Variants in SLC2A13 observed in about 807,000 individuals in gnomAD.
SLC2A13 encodes solute carrier family 2 member 13.
In SLC2A13, 32 loss-of-function variants were observed where a neutral mutation model predicts 64.4. That is an observed-to-expected ratio of 0.50 (90% CI 0.37 to 0.67). SLC2A13 has a LOEUF of 0.67. SLC2A13 is among the 30% of genes least tolerant of loss of function. The pLI, the probability that SLC2A13 is intolerant of heterozygous loss-of-function variation, is 0.00. For synonymous variants in SLC2A13, 338 were observed against 327.1 expected (o/e 1.03, Z -0.36); for missense variants, 743 against 829.2 (o/e 0.90, Z 1.28).
intron 7 of SLC2A13, among the ~76,000 whole-genome samples, chr12:39,805,167 TGGACG>T (rs1454915029): frequency 5.3e-5 from 8 of 149,914 alleles, no homozygotes; most frequent in African/African-American, 1.7e-4. Context: ...AGTTGTGTGT[TGGACG>T]TGGCCAGAAT....
At chr12:40,011,641 C>A (rs1342916954) in intron 3 of SLC2A13, among the ~76,000 whole-genome samples, 1 of 152,144 alleles carries the variant, frequency 6.6e-6, no homozygotes, top group East Asian at 1.9e-4. Flanking sequence ...CAACCCTTTC[C>A]TTCCTCCCTC....
Position 40,105,593 on chromosome 12 carries a change from G to A in SLC2A13, c.216C>T (p.Phe72=), listed in dbSNP as rs868571276. ...GDLERAARRQ[F]QQDETPAFVY... ...CGAAGGCGGGGGTCTCGTCCTGCTG[G>A]AACTGCCGCCGCGCCGCGCGCTCCA... The change falls in exon 1 of 10, where the codon TTC becomes TTT. Residue 72 remains phenylalanine, a synonymous_variant. Transcript: ENST00000280871. The surrounding 1 kb of genome is among the most constrained non-coding windows in gnomAD (Gnocchi z 4.2). The A allele has an allele frequency of 3.3e-6, 5 of 1,536,790 alleles. No individual in the cohort carries two copies. The highest frequency in any genetic ancestry group is 4.4e-6 in the Non-Finnish European group (5 of 1,144,748).
intron 1 of SLC2A13, among the ~76,000 whole-genome samples, chr12:40,088,619 T>C (rs1046447006): frequency 6.6e-6 from 1 of 152,214 alleles, no homozygotes; most frequent in African/African-American, 2.4e-5. Context: ...AAGCACAGTA[T>C]GTATATTGCA....
At chr12:40,053,005 G>A (rs1273607002) in intron 1 of SLC2A13, among the ~76,000 whole-genome samples, 1 of 151,976 alleles carries the variant, frequency 6.6e-6, no homozygotes, top group African/African-American at 2.4e-5. Context: ...TATCAGGCTG[G>A]GCGCAGTTTG....
chr12:39,921,448 G>T (rs888325804), intron 4 of SLC2A13, among the ~76,000 whole-genome samples: 1 of 152,026 alleles, frequency 6.6e-6, no homozygotes, highest in African/African-American at 2.4e-5. Flanking sequence ...GGGTGGCCCG[G>T]CCATGCTTAA....
At chr12:39,911,877 A>G (rs1945438388) in intron 4 of SLC2A13, among the ~76,000 whole-genome samples, 1 of 152,094 alleles carries the variant, frequency 6.6e-6, no homozygotes, top group Non-Finnish European at 1.5e-5. Context: ...AGCAAGACAC[A>G]TTGCCAGGAT....
chr12:40,082,288 A>G (rs1336868815), intron 1 of SLC2A13, among the ~76,000 whole-genome samples: 2 of 152,234 alleles, frequency 1.3e-5, no homozygotes, highest in African/African-American at 2.4e-5. Context: ...CAGTAAATTC[A>G]GCCATACCTG....
Position 39,777,161 on chromosome 12 carries a change from C to T in SLC2A13, c.1446-12303G>A, listed in dbSNP as rs552923933. Among the ~76,000 whole-genome samples the T allele has an allele frequency of 9.2e-5, 14 of 152,264 alleles. No individual in the cohort carries two copies. The South Asian group carries it at 1.2e-3, about 14-fold the overall frequency. Reference sequence around the variant, plus strand: ...CATATTGTACTTATGGTTCACTTTCCTTTCTTCCCGCTTCCTTTTATTTCT... The same window carrying T: ...CATATTGTACTTATGGTTCACTTTCTTTTCTTCCCGCTTCCTTTTATTTCT... On this transcript the variant is annotated intron_variant, in intron 7 of 9. Coordinates refer to ENST00000280871, the MANE Select transcript of SLC2A13 (RefSeq NM_052885.4).
chr12:39,838,506 TAA>T (rs5797639), intron 6 of SLC2A13, among the ~76,000 whole-genome samples: 91,289 of 142,172 alleles, frequency 0.64, 28,823 homozygotes, highest in East Asian at 0.76. Flanking sequence ...AAAAATAAAT[TAA>T]AAAAAAAAAA....
intron 9 of SLC2A13, among the ~76,000 whole-genome samples, chr12:39,760,854 G>T (rs1284445881): frequency 6.6e-6 from 1 of 150,404 alleles, no homozygotes; most frequent in Non-Finnish European, 1.5e-5. Flanking sequence ...ATATATGAAT[G>T]TATGACTTGT....
chr12:39,822,219 A>T (rs1161682272), intron 7 of SLC2A13, among the ~76,000 whole-genome samples: 2 of 151,972 alleles, frequency 1.3e-5, no homozygotes. Flanking sequence ...GATTTCCAAG[A>T]TAACGTTTCC....
chr12:40,105,847 C>T lies in SLC2A13; in HGVS notation c.-39G>A. The T allele has an allele frequency of 7.4e-7, 1 of 1,354,324 alleles. No homozygotes were observed. The highest frequency in any genetic ancestry group is 9.5e-7 in the Non-Finnish European group (1 of 1,056,120). 83.9% of individuals were successfully genotyped at this position (1,354,324 alleles called of 1,614,324 possible). On this transcript the variant is annotated 5_prime_UTR_variant, in exon 1 of 10. Transcript: ENST00000280871. This position sits in a 1 kb window ranked among gnomAD's most constrained non-coding sequence, Gnocchi z 4.2. ...GGGGCTGCCCGGGGGGACGCGGCTC[C>T]GCGGGCCGGCAGTCTCGGCGAGCTA...
intron 4 of SLC2A13, among the ~76,000 whole-genome samples, chr12:39,948,346 T>A (rs1565556625): frequency 1.3e-5 from 2 of 152,096 alleles, no homozygotes; most frequent in East Asian, 1.9e-4. Flanking sequence ...AAGATATATA[T>A]CTATATATAT....
At chr12:39,931,885 A>G (rs1945831499) in intron 4 of SLC2A13, among the ~76,000 whole-genome samples, 1 of 152,120 alleles carries the variant, frequency 6.6e-6, no homozygotes, top group Non-Finnish European at 1.5e-5. Flanking sequence ...AAATAGTATT[A>G]TAATTTTAAT....
intron 7 of SLC2A13, among the ~76,000 whole-genome samples, chr12:39,821,386 G>A (rs1942504365): frequency 6.6e-6 from 1 of 151,942 alleles, no homozygotes; most frequent in African/African-American, 2.4e-5. Flanking sequence ...CTCCAGCCTG[G>A]GTAACAGAGC....
intron 7 of SLC2A13, among the ~76,000 whole-genome samples, chr12:39,797,447 T>G (rs978602348): frequency 6.6e-5 from 10 of 152,196 alleles, no homozygotes; most frequent in Non-Finnish European, 1.3e-4. Context: ...TTTTCTATTT[T>G]CATAAATAAC....
chr12:39,860,238 T>C (rs1943720978), intron 6 of SLC2A13, among the ~76,000 whole-genome samples: 1 of 152,160 alleles, frequency 6.6e-6, no homozygotes, highest in Non-Finnish European at 1.5e-5. Flanking sequence ...TAAGTGTAGG[T>C]GTAAGATGAA....
intron 3 of SLC2A13, among the ~76,000 whole-genome samples, chr12:39,995,858 C>T (rs556976066): frequency 1.2e-4 from 19 of 152,318 alleles, no homozygotes; most frequent in Non-Finnish European, 2.1e-4. Flanking sequence ...TCTTTGCCTG[C>T]TACCATCCGT....
At chr12:40,067,005 T>C (rs73263636) in intron 1 of SLC2A13, among the ~76,000 whole-genome samples, 259 of 152,306 alleles carry the variant, frequency 1.7e-3, no homozygotes, top group African/African-American at 6.1e-3. Flanking sequence ...CAGAACATGT[T>C]TGAATTTCAA....
Sources: allele counts gnomAD v4.1 joint callset (sites outside exome capture counted in the v4.1 genomes callset), GRCh38; gene constraint gnomAD v4.1.1; non-coding constraint Gnocchi (gnomAD v3.1); transcripts MANE v1.5; gene names NCBI Gene and HGNC (gene_info 2026-07-23, HGNC 2026-07-21).